FRYL: variants seen among roughly 807,000 people sequenced by gnomAD.
FRYL encodes the protein FRY like transcription coactivator, also known as protein furry homolog-like.
A neutral mutation model predicts 351.2 loss-of-function variants in FRYL; 150 were observed. That is an observed-to-expected ratio of 0.43 (90% CI 0.37 to 0.49). The LOEUF is 0.49. Among genes scored for constraint, FRYL ranks in the 20% least tolerant of loss-of-function variants. The pLI is 0.00. For synonymous variants in FRYL, 1,153 were observed against 1,257.1 expected, an observed-to-expected ratio of 0.92 and a Z score of 1.75; for missense variants, 3,036 against 3,619.3, an observed-to-expected ratio of 0.84 and a Z score of 4.13.
chr4:48,764,443 A>G (rs956311348), intron 1 of FRYL, among the ~76,000 whole-genome samples: 1 of 151,708 alleles, frequency 6.6e-6, no homozygotes. Flanking sequence ...ACACAGGAGG[A>G]TCACTTGAGC....
intron 4 of FRYL, among the ~76,000 whole-genome samples, chr4:48,630,783 G>C (rs868478954): frequency 1.3e-5 from 2 of 152,094 alleles, no homozygotes; most frequent in South Asian, 4.1e-4. Flanking sequence ...TCTCATTTTA[G>C]TGGTAGATTA....
intron 2 of FRYL, among the ~76,000 whole-genome samples, chr4:48,704,823 C>CCT (rs1560884078): frequency 1.3e-5 from 2 of 152,084 alleles, no homozygotes; most frequent in Non-Finnish European, 2.9e-5. Flanking sequence ...GTGGCAGGCA[C>CCT]CTGTAATCCC....
intron 47 of FRYL, among the ~76,000 whole-genome samples, chr4:48,538,480 T>G (rs1024609392): frequency 6.6e-6 from 1 of 152,178 alleles, no homozygotes; most frequent in Non-Finnish European, 1.5e-5. Context: ...TGGGATTCAT[T>G]GGGTTGCCAG....
In FRYL at chr4:48,721,354, A is replaced by AT. The variant is rs111383761; in HGVS notation, c.-383-10657dup. Among the ~76,000 whole-genome samples the AT allele has an allele frequency of 9.8e-3, 1,402 of 142,802 alleles. 9 individuals are homozygous for AT. Among genetic ancestry groups the AT allele is most frequent in the Middle Eastern group, 0.029 (8 of 276 alleles). The allele number at this position is 142,802 out of a possible 152,430, so 93.7% of individuals were successfully genotyped here. A position where few individuals can be genotyped will look rare whatever the true frequency, so the allele number is the denominator to read the frequency against. On this transcript the variant is annotated intron_variant, in intron 1 of 63. Coordinates refer to ENST00000358350, the MANE Select transcript of FRYL (RefSeq NM_015030.2). ...TGCCACATGTGCACACTATATGTAG[A>AT]TTTTTTTTTTTTTTTAATGGTTGAG...
chr4:48,668,597 G>A (rs1762154016), intron 3 of FRYL, among the ~76,000 whole-genome samples: 1 of 152,208 alleles, frequency 6.6e-6, no homozygotes, highest in Non-Finnish European at 1.5e-5. Context: ...TTTACTAACT[G>A]CTTAAGAAGT....
At chr4:48,642,014 TA>T (rs1755437806) in intron 3 of FRYL, among the ~76,000 whole-genome samples, 1 of 152,196 alleles carries the variant, frequency 6.6e-6, no homozygotes, top group South Asian at 2.1e-4. Flanking sequence ...CCTCAATATT[TA>T]ATCAATTCTC....
intron 3 of FRYL, among the ~76,000 whole-genome samples, chr4:48,669,110 C>T (rs1227760730): frequency 6.6e-6 from 1 of 151,890 alleles, no homozygotes; most frequent in Non-Finnish European, 1.5e-5. Context: ...GTATGTTTTA[C>T]TTGCTATTTA....
At chr4:48,740,420 G>A (rs574098239) in intron 1 of FRYL, among the ~76,000 whole-genome samples, 53 of 149,420 alleles carry the variant, frequency 3.5e-4, no homozygotes, top group African/African-American at 1.3e-3. Flanking sequence ...TCAGCCTCCT[G>A]AGTAGTTGGG....
chr4:48,627,263 GTTTC>G (rs1375021877), intron 4 of FRYL, among the ~76,000 whole-genome samples: 2 of 151,958 alleles, frequency 1.3e-5, no homozygotes, highest in African/African-American at 4.8e-5. Context: ...ACAGTAAGAG[GTTTC>G]TTTCTAACTT....
intron 13 of FRYL, among the ~76,000 whole-genome samples, chr4:48,597,607 T>C (rs1744859295): frequency 6.6e-6 from 1 of 152,190 alleles, no homozygotes; most frequent in South Asian, 2.1e-4. Context: ...ATAAGTCCCA[T>C]TAGTTTTTAG....
At chr4:48,547,304 T>C (rs1731568304) in intron 41 of FRYL, among the ~76,000 whole-genome samples, 2 of 152,208 alleles carry the variant, frequency 1.3e-5, no homozygotes, top group Non-Finnish European at 1.5e-5. Flanking sequence ...TTTTTCGTAA[T>C]TCGTCCTCAA....
chr4:48,595,507 TA>T, intron 15 of FRYL, 82 bp downstream of exon 15: 1 of 693,058 alleles, frequency 1.4e-6, no homozygotes, highest in Non-Finnish European at 2.3e-6. Context: ...TTTAGATGCA[TA>T]AAAAATTTCA....
intron 6 of FRYL, 141 bp downstream of exon 6, chr4:48,620,498 C>G (rs1261043386): frequency 8.7e-6 from 7 of 805,934 alleles, no homozygotes; most frequent in African/African-American, 5.1e-5. Flanking sequence ...CTATCCTTCT[C>G]CCTTACTACC....
intron 3 of FRYL, among the ~76,000 whole-genome samples, chr4:48,676,513 C>T (rs1037290217): frequency 2.0e-5 from 3 of 151,778 alleles, no homozygotes; most frequent in African/African-American, 7.3e-5. Context: ...TCCTGAGTAG[C>T]TGGGACTACA....
chr4:48,540,492 T>C lies in FRYL; in HGVS notation c.6156A>G (p.Lys2052=), dbSNP rs1729932559. The C allele has an allele frequency of 1.2e-6, 2 of 1,613,984 alleles. No individual in the cohort carries two copies. Among genetic ancestry groups the C allele is most frequent in the Non-Finnish European group, 1.7e-6 (2 of 1,179,946 alleles). ...EKIENVQSKL[K]WTNFPGLQQL... is the part of the protein sequence containing the mutation. Reference sequence around the variant, plus strand: ...GCTGAAGTCCTGGAAAATTAGTCCATTTCAATTTGCTTTGTACATTTTCAA... The same window carrying C: ...GCTGAAGTCCTGGAAAATTAGTCCACTTCAATTTGCTTTGTACATTTTCAA... The change falls in exon 46 of 64, where the codon AAA becomes AAG. Residue 2052 remains lysine (K), a synonymous_variant. Transcript: ENST00000358350.
chr4:48,708,485 T>A (rs1451880174), intron 2 of FRYL, among the ~76,000 whole-genome samples: 3 of 152,066 alleles, frequency 2.0e-5, no homozygotes, highest in Non-Finnish European at 4.4e-5. Flanking sequence ...AAACACTGCG[T>A]ACTCATTTAC....
rs148375305 is a variant in FRYL at position 48,499,758 on chromosome 4, TAAC to T, written c.8784-81_8784-79del. On this transcript the variant is annotated intron_variant, in intron 63 of 63. Coordinates refer to ENST00000358350, the MANE Select transcript of FRYL (RefSeq NM_015030.2). ...TAACTCAATTTAAGTTAAATACCTG[TAAC>T]AACAACATTTCCTTGTGAATAACAT... The T allele has an allele frequency of 4.1e-3, 5,296 of 1,280,266 alleles. 173 individuals carry two copies. In the African/African-American group the frequency reaches 0.067, roughly 16 times the overall value. The allele number at this position is 1,280,266 out of a possible 1,614,324, so 79.3% of individuals were successfully genotyped here.
intron 1 of FRYL, among the ~76,000 whole-genome samples, chr4:48,769,539 A>G (rs188352388): frequency 1.2e-3 from 190 of 152,348 alleles, no homozygotes; most frequent in Non-Finnish European, 2.3e-3. Context: ...TTTCTTATAA[A>G]ACTAAACATA....
intron 1 of FRYL, among the ~76,000 whole-genome samples, chr4:48,720,619 C>G (rs1769362421): frequency 6.6e-6 from 1 of 152,224 alleles, no homozygotes; most frequent in Non-Finnish European, 1.5e-5. Flanking sequence ...TCTTACAAAA[C>G]TGAAACTCTA....
Sources: gnomAD v4.1 joint callset for allele counts (sites outside exome capture counted in the v4.1 genomes callset) on GRCh38, gnomAD v4.1.1 for gene constraint, MANE v1.5 for transcripts, NCBI Gene and HGNC (gene_info 2026-07-23, HGNC 2026-07-21) for gene names.